MATR3: variants seen among roughly 807,000 people sequenced by gnomAD.
MATR3 encodes matrin-3.
MATR3 carries 4 observed loss-of-function variants against 85.5 expected under a neutral mutation model. The ratio of observed to expected loss-of-function variants is 0.05; its 90% CI spans 0.02 to 0.11. The LOEUF (loss-of-function observed/expected upper bound fraction) is 0.11. Ranked by LOEUF, MATR3 falls within the 10% of genes least tolerant of loss-of-function variation. The pLI, the probability that MATR3 is intolerant of heterozygous loss-of-function variation, is 1.00. For missense variants in MATR3, 685 were observed against 1,016.1 expected (o/e 0.67, Z 4.43); for synonymous variants, 336 against 343.1 (o/e 0.98, Z 0.23).
intron 13 of MATR3, among the ~76,000 whole-genome samples, chr5:139,325,928 C>A (rs1168680994): frequency 6.6e-6 from 1 of 151,868 alleles, no homozygotes; most frequent in Non-Finnish European, 1.5e-5. Context: ...TTTTGTTTTG[C>A]TTTTCTGTGT....
chr5:139,293,896 G>A (rs961105462), intron 1 of MATR3, 91 bp downstream of exon 1: 2 of 1,013,420 alleles, frequency 2.0e-6, no homozygotes, highest in Non-Finnish European at 2.5e-6. Context: ...AGGGGCTGCG[G>A]GGAGCCGGCG....
intron 2 of MATR3, chr5:139,312,913 A>G (rs978550825): frequency 5.3e-5 from 8 of 152,198 alleles, no homozygotes; most frequent in African/African-American, 1.9e-4. Context: ...TGGCCTTCCA[A>G]AGTGCTGGGA....
In MATR3 at chr5:139,307,329, T is replaced by G. The variant is rs1290978336; in HGVS notation, c.-87T>G. The G allele has an allele frequency of 2.5e-5, 39 of 1,531,358 alleles. No homozygotes were observed. The highest frequency in any genetic ancestry group is 2.8e-5 in the African/African-American group (2 of 70,800). 94.9% of individuals were successfully genotyped at this position (1,531,358 alleles called of 1,614,324 possible). On this transcript the variant is annotated 5_prime_UTR_variant, in exon 2 of 15. Transcript: ENST00000394805. The surrounding 1 kb of genome is among the most constrained non-coding windows in gnomAD (Gnocchi z 4.4). ...TACCATTTTTGAAGCAAAGTTAACC[T>G]AGCTTTCTAGTTTGAGCTTTCTTTT...
At chr5:139,278,904 C>A (rs777688671) in intron 2 of MATR3, 1 of 517,274 alleles carries the variant, frequency 1.9e-6, no homozygotes, top group South Asian at 1.4e-5. Flanking sequence ...TAGCTGAGTA[C>A]CTTTGGGCAG....
intron 13 of MATR3, 74 bp downstream of exon 13, chr5:139,325,736 T>A: frequency 7.4e-7 from 1 of 1,352,732 alleles, no homozygotes; most frequent in Non-Finnish European, 1.1e-6. Flanking sequence ...AAATAAGATT[T>A]TAAAGTTGGT....
At chr5:139,308,368 G>A (rs1754812264) in intron 2 of MATR3, 41 bp downstream of exon 2, 12 of 1,610,006 alleles carry the variant, frequency 7.5e-6, no homozygotes, top group Non-Finnish European at 8.5e-6. Flanking sequence ...CTTTTACATT[G>A]TAGTGCCTAT....
At chr5:139,276,820 C>A (rs1165243423) in intron 2 of MATR3, among the ~76,000 whole-genome samples, 1 of 152,002 alleles carries the variant, frequency 6.6e-6, no homozygotes, top group African/African-American at 2.4e-5. Context: ...GTCATGACAC[C>A]CTTTGTAGAG....
chr5:139,296,376 G>A (rs1215276855), intron 1 of MATR3, among the ~76,000 whole-genome samples: 2 of 152,064 alleles, frequency 1.3e-5, no homozygotes, highest in African/African-American at 4.8e-5. Flanking sequence ...TTTTTTAAAC[G>A]ACAATGTAAA....
At chr5:139,315,759 T>C in intron 4 of MATR3, 21 bp downstream of exon 4, 1 of 1,580,756 alleles carries the variant, frequency 6.3e-7, no homozygotes, top group South Asian at 1.1e-5. Flanking sequence ...TTTTTTAAGC[T>C]ACCATTTGTA....
At chr5:139,317,884 A>G (rs1036365424) in intron 7 of MATR3, among the ~76,000 whole-genome samples, 163 bp downstream of exon 7, 2 of 152,238 alleles carry the variant, frequency 1.3e-5, no homozygotes, top group Admixed American at 6.5e-5. Context: ...TGAATATAAT[A>G]GGGTACTAAT....
intron 9 of MATR3, among the ~76,000 whole-genome samples, chr5:139,320,074 G>A (rs576501881): frequency 1.4e-4 from 21 of 150,704 alleles, no homozygotes; most frequent in African/African-American, 5.1e-4. Context: ...TTTGGGAGGC[G>A]GAGGCAGGCA....
Position 139,307,617 on chromosome 5 carries a change from G to A in MATR3, c.202G>A (p.Gly68Arg). Reference sequence around the variant, plus strand: ...AATGAGTTCTTCATTGAATCAACAAGGAGCTCATAGTGCACTGTCTTCTGC... The same window carrying A: ...AATGAGTTCTTCATTGAATCAACAAAGAGCTCATAGTGCACTGTCTTCTGC... The part of the protein sequence containing the change: ...LGMSSSLNQQ[G>R]AHSALSSAST... Residue 68 changes from glycine to arginine, a missense_variant, in exon 2 of 15, where the codon GGA becomes AGA. Around this residue, in one of 9 missense-constraint regions of MATR3, gnomAD observed 57 missense variants for 68.6 expected, o/e 0.83. Transcript: ENST00000394805. This position sits in a 1 kb window ranked among gnomAD's most constrained non-coding sequence, Gnocchi z 4.4. 1 of 1,614,104 alleles carries A rather than the reference G, an allele frequency of 6.2e-7. No individual in the cohort carries two copies. Among genetic ancestry groups the A allele is most frequent in the Non-Finnish European group, 8.5e-7 (1 of 1,180,026 alleles).
At chr5:139,284,585 G>A (rs2151886084) in intron 3 of MATR3, among the ~76,000 whole-genome samples, 1 of 151,726 alleles carries the variant, frequency 6.6e-6, no homozygotes, top group East Asian at 1.9e-4. Context: ...TCCAGCCTGG[G>A]TGACAGACTG....
chr5:139,278,261 A>G (rs1753373071), intron 2 of MATR3: 4 of 451,246 alleles, frequency 8.9e-6, no homozygotes, highest in African/African-American at 4.0e-5. Flanking sequence ...ACACACACAC[A>G]CAATGCATTG....
intron 4 of MATR3, 88 bp from the exon 5 acceptor site, chr5:139,315,988 A>G (rs1171109460): frequency 4.0e-6 from 4 of 996,784 alleles, no homozygotes; most frequent in East Asian, 2.4e-5. Context: ...GGTTGTGGTC[A>G]TATATTGGGG....
chr5:139,316,602 T>TAACGGTGCAATCTCTGCTCACTGC (rs1446994345), intron 5 of MATR3, among the ~76,000 whole-genome samples: 34 of 151,672 alleles, frequency 2.2e-4, no homozygotes, highest in Non-Finnish European at 4.1e-4. Flanking sequence ...GGCTAGAGTG[T>TAACGGTGCAATCTCTGCTCACTGC]AACGGTGCAA....
At chr5:139,315,999 T>G (rs750297788) in intron 4 of MATR3, 77 bp from the exon 5 acceptor site, 2 of 1,088,380 alleles carry the variant, frequency 1.8e-6, no homozygotes, top group South Asian at 2.5e-5. Flanking sequence ...TATATTGGGG[T>G]GCTTTAACAT....
intron 1 of MATR3, chr5:139,294,153 G>A (rs1446523769): frequency 1.0e-6 from 1 of 971,678 alleles, no homozygotes; most frequent in Non-Finnish European, 1.4e-6. Flanking sequence ...GTGGGCGGGG[G>A]CGGGACGACT....
At position 139,323,677 on chromosome 5, in the gene MATR3, C is replaced by T. The variant is rs568939358; in HGVS notation, c.2148+710C>T. On this transcript the variant is annotated intron_variant, in intron 12 of 14. Coordinates refer to ENST00000394805, the MANE Select transcript of MATR3 (RefSeq NM_018834.6). ...AATCCCAGCACTTTGGGAGGCCCAG[C>T]AGATCAGTTGAGGCCAGGAGTTCAA... 1.4e-3 allele frequency among the ~76,000 whole-genome samples: 207 copies of T among 152,242 alleles called. 1 individual carries two copies. The highest frequency in any genetic ancestry group is 1.2e-3 in the East Asian group (6 of 5,174).
Sources: gnomAD v4.1 joint callset for allele counts (sites outside exome capture counted in the v4.1 genomes callset) on GRCh38, gnomAD v4.1.1 for gene constraint, gnomAD v4.1.1 regional missense constraint, Gnocchi (gnomAD v3.1) non-coding constraint, MANE v1.5 for transcripts, NCBI Gene and HGNC (gene_info 2026-07-23, HGNC 2026-07-21) for gene names.